The following NCKAP5 variants were observed in gnomAD, a reference collection of about 807,000 sequenced individuals.
NCKAP5 encodes the protein NCK associated protein 5, also known as nck-associated protein 5.
A neutral mutation model predicts 167.0 loss-of-function variants in NCKAP5; 92 were observed. That is an observed-to-expected ratio of 0.55 (90% confidence interval 0.47 to 0.66). NCKAP5 has a LOEUF of 0.66. Ranked by LOEUF, NCKAP5 falls within the 30% of genes least tolerant of loss-of-function variation. NCKAP5 has a pLI of 0.00. For synonymous variants in NCKAP5, 891 were observed against 877.4 expected (o/e 1.02, Z -0.27); for missense variants, 2,378 against 2,315.0 (o/e 1.03, Z -0.56).
chr2:132,769,960 T>G (rs529998772), intron 16 of NCKAP5, among the ~76,000 whole-genome samples: 1 of 152,360 alleles, frequency 6.6e-6, no homozygotes, highest in Non-Finnish European at 1.5e-5. Context: ...TATTGGCTCC[T>G]CTATTTGGCT....
intron 3 of NCKAP5, among the ~76,000 whole-genome samples, chr2:133,334,925 T>C (rs978359869): frequency 2.6e-5 from 4 of 152,214 alleles, no homozygotes; most frequent in Non-Finnish European, 5.9e-5. Context: ...GGGTCTCTAC[T>C]GTGAATCAAA....
At chr2:133,413,060 T>C (rs1688873837) in intron 3 of NCKAP5, among the ~76,000 whole-genome samples, 1 of 152,186 alleles carries the variant, frequency 6.6e-6, no homozygotes, top group South Asian at 2.1e-4. Flanking sequence ...CTGGCCTGCC[T>C]GGAGCAAACA....
chr2:133,122,762 C>T (rs1314715411), intron 6 of NCKAP5: 1 of 152,156 alleles, frequency 6.6e-6, no homozygotes, highest in Non-Finnish European at 1.5e-5. Flanking sequence ...GACAATAAGA[C>T]AGTCTCCTCC....
intron 6 of NCKAP5, among the ~76,000 whole-genome samples, chr2:133,116,611 C>T (rs955137255): frequency 6.7e-6 from 1 of 148,942 alleles, no homozygotes; most frequent in Admixed American, 6.7e-5. Context: ...TTTAGTAAAA[C>T]GGTATATATC....
At chr2:133,357,296 C>CAT (rs1553622978) in intron 3 of NCKAP5, among the ~76,000 whole-genome samples, 1 of 150,158 alleles carries the variant, frequency 6.7e-6, no homozygotes, top group African/African-American at 2.5e-5. Flanking sequence ...CAGACACACA[C>CAT]ACACACACAC....
the NCKAP5 span, among the ~76,000 whole-genome samples, chr2:133,582,963 C>T: frequency 3.0e-4 from 45 of 152,240 alleles, no homozygotes; most frequent in African/African-American, 1.0e-3. Flanking sequence ...GGTCATACCC[C>T]CTGTTTCTGA....
intron 6 of NCKAP5, among the ~76,000 whole-genome samples, chr2:133,018,219 G>A (rs927606139): frequency 1.3e-5 from 2 of 152,134 alleles, no homozygotes; most frequent in East Asian, 3.9e-4. Flanking sequence ...GCGGTGCAGG[G>A]GTTCTATGCA....
intron 19 of NCKAP5, among the ~76,000 whole-genome samples, chr2:132,701,520 G>A (rs2105245215): frequency 6.8e-6 from 1 of 146,896 alleles, no homozygotes; most frequent in South Asian, 2.1e-4. Flanking sequence ...TATTACATCA[G>A]ATACTGCTGC....
chr2:133,377,111 A>T (rs921261384), intron 3 of NCKAP5, among the ~76,000 whole-genome samples: 1 of 152,182 alleles, frequency 6.6e-6, no homozygotes, highest in Admixed American at 6.5e-5. Context: ...GGTTTTTCTG[A>T]GTCATCACAT....
chr2:132,794,263 TAGAGAG>T (rs70973407), intron 12 of NCKAP5, among the ~76,000 whole-genome samples: 146 of 11,848 alleles, frequency 0.012, 3 homozygotes, highest in Non-Finnish European at 0.017. Context: ...TATATATATA[TAGAGAG>T]AGAGAGAGAG....
chr2:133,212,881 C>A (rs970969406), intron 5 of NCKAP5, among the ~76,000 whole-genome samples: 1 of 152,186 alleles, frequency 6.6e-6, no homozygotes, highest in Non-Finnish European at 1.5e-5. Flanking sequence ...AAATGTCTTA[C>A]CCTTTTCAGT....
At chr2:133,305,429 G>A (rs74455630) in intron 3 of NCKAP5, among the ~76,000 whole-genome samples, 5,623 of 152,220 alleles carry the variant, frequency 0.037, 339 homozygotes, top group African/African-American at 0.13. Flanking sequence ...AGAAGTTTAA[G>A]TACATACATA....
intron 3 of NCKAP5, among the ~76,000 whole-genome samples, chr2:133,320,762 C>T (rs1486387451): frequency 2.6e-5 from 4 of 152,018 alleles, no homozygotes; most frequent in African/African-American, 4.8e-5. Context: ...GAAAAAGGCC[C>T]TTTATGCCTC....
rs182056140 is a variant in NCKAP5, at chr2:133,428,193, C to T, written c.69+89265G>A. 2.0e-5 allele frequency among the ~76,000 whole-genome samples: 3 copies of T among 152,190 alleles called. 1 individual carries two copies. The highest frequency in any genetic ancestry group is 2.0e-4 in the Admixed American group (3 of 15,276). On this transcript the variant is annotated intron_variant, in intron 3 of 19. Coordinates refer to ENST00000409261, the MANE Select transcript of NCKAP5 (RefSeq NM_207363.3). ...AGCTTTGTCCTACAAGATATTAAAA[C>T]ACACTTTGAAATACTATCACCAAAA...
chr2:133,184,807 G>T (rs2150050313), intron 5 of NCKAP5, among the ~76,000 whole-genome samples: 1 of 152,078 alleles, frequency 6.6e-6, no homozygotes, highest in East Asian at 1.9e-4. Context: ...CTTTTTAAGG[G>T]GTTGGTTTGT....
At chr2:133,581,105 A>G in the NCKAP5 span, among the ~76,000 whole-genome samples, 1 of 152,206 alleles carries the variant, frequency 6.6e-6, no homozygotes, top group Non-Finnish European at 1.5e-5. Context: ...GAATGATCTC[A>G]TCACAAATTA....
intron 4 of NCKAP5, among the ~76,000 whole-genome samples, chr2:133,281,864 T>C (rs1045225803): frequency 2.2e-4 from 33 of 152,216 alleles, no homozygotes; most frequent in Non-Finnish European, 2.5e-4. Context: ...TCTTGAGAGC[T>C]GCTGGTTGCC....
At chr2:133,506,125 C>A (rs1020091665) in intron 3 of NCKAP5, among the ~76,000 whole-genome samples, 2 of 152,206 alleles carry the variant, frequency 1.3e-5, no homozygotes, top group Non-Finnish European at 2.9e-5. Context: ...ACCCTCCCTG[C>A]ACCTCAGCAT....
intron 5 of NCKAP5, among the ~76,000 whole-genome samples, chr2:133,137,532 G>A (rs1489725481): frequency 1.3e-5 from 2 of 151,604 alleles, no homozygotes; most frequent in Non-Finnish European, 2.9e-5. Flanking sequence ...AATTTCAAGG[G>A]CAAGTAAGAC....
Sources: gnomAD v4.1 joint callset for allele counts (sites outside exome capture counted in the v4.1 genomes callset) on GRCh38, gnomAD v4.1.1 for gene constraint, MANE v1.5 for transcripts, NCBI Gene and HGNC (gene_info 2026-07-23, HGNC 2026-07-21) for gene names.